C8A: variants seen among roughly 807,000 people sequenced by gnomAD.
C8A encodes the protein complement C8 alpha chain.
In C8A, 67 loss-of-function variants were observed where a neutral mutation model predicts 65.3. That is an observed-to-expected ratio of 1.03 (90% CI 0.84 to 1.26). The LOEUF (loss-of-function observed/expected upper bound fraction) is 1.26, where lower values mean the gene tolerates loss of function less well. Ranked by LOEUF, C8A falls within the 50% of genes most tolerant of loss-of-function variation. C8A has a pLI of 0.00. For synonymous variants in C8A, 290 were observed against 259.4 expected, an observed-to-expected ratio of 1.12 and a Z score of -1.13; for missense variants, 781 against 723.9, an observed-to-expected ratio of 1.08 and a Z score of -0.90.
At chr1:56,871,696 G>A (rs1236016848) in intron 2 of C8A, among the ~76,000 whole-genome samples, 1 of 152,140 alleles carries the variant, frequency 6.6e-6, no homozygotes, top group Non-Finnish European at 1.5e-5. Flanking sequence ...AATAAGATAA[G>A]GAATGTAAAG....
At chr1:56,893,520 G>A (rs115556711) in intron 7 of C8A, among the ~76,000 whole-genome samples, 1 of 152,080 alleles carries the variant, frequency 6.6e-6, no homozygotes, top group Non-Finnish European at 1.5e-5. Flanking sequence ...ATGATAACAA[G>A]GGCTTGTTTG....
chr1:56,861,797 T>A (rs1016442602), intron 1 of C8A, among the ~76,000 whole-genome samples: 9 of 152,188 alleles, frequency 5.9e-5, no homozygotes, highest in African/African-American at 1.9e-4. Flanking sequence ...GATTATATAA[T>A]TAGTGATAAT....
At chr1:56,858,860 A>G (rs1466204390) in intron 1 of C8A, among the ~76,000 whole-genome samples, 6 of 152,234 alleles carry the variant, frequency 3.9e-5, no homozygotes, top group African/African-American at 2.4e-5. Context: ...AAGTCCTGGC[A>G]TCACCACGTA....
At chr1:56,865,779 A>G (rs998017690) in intron 1 of C8A, among the ~76,000 whole-genome samples, 16 of 152,214 alleles carry the variant, frequency 1.1e-4, no homozygotes, top group African/African-American at 3.9e-4. Flanking sequence ...ATTTGGGGAA[A>G]CATATCCACT....
chr1:56,875,157 C>T, intron 3 of C8A, 64 bp downstream of exon 3: 6 of 1,571,726 alleles, frequency 3.8e-6, no homozygotes. Context: ...AACACTTCCC[C>T]AGGGAGCTTA....
At chr1:56,871,820 C>T (rs938372096) in intron 2 of C8A, among the ~76,000 whole-genome samples, 1 of 152,102 alleles carries the variant, frequency 6.6e-6, no homozygotes, top group African/African-American at 2.4e-5. Flanking sequence ...AGAAGATTGG[C>T]TGCTAATTCA....
intron 2 of C8A, among the ~76,000 whole-genome samples, chr1:56,870,239 C>T (rs574112612): frequency 3.3e-5 from 5 of 152,202 alleles, no homozygotes; most frequent in Non-Finnish European, 7.4e-5. Flanking sequence ...CATGCTCCCT[C>T]TTAGAGGCGC....
intron 5 of C8A, among the ~76,000 whole-genome samples, chr1:56,881,939 C>T (rs1414791564): frequency 6.6e-6 from 1 of 152,120 alleles, no homozygotes; most frequent in Non-Finnish European, 1.5e-5. Flanking sequence ...CTCTGTTAGA[C>T]TATATACAAG....
intron 6 of C8A, among the ~76,000 whole-genome samples, chr1:56,885,395 A>AAATATATATTTAC (rs1644287493): frequency 2.7e-5 from 3 of 111,326 alleles, no homozygotes; most frequent in African/African-American, 1.3e-4. Context: ...TATATATTTA[A>AAATATATATTTAC]ATAAATATAT....
intron 5 of C8A, among the ~76,000 whole-genome samples, chr1:56,883,241 G>A (rs772246868): frequency 4.6e-5 from 7 of 152,062 alleles, no homozygotes; most frequent in Non-Finnish European, 8.8e-5. Flanking sequence ...GTGTGTGTGT[G>A]TGTGTGCAAG....
chr1:56,876,639 T>C (rs1198861132), intron 4 of C8A, among the ~76,000 whole-genome samples: 1 of 151,988 alleles, frequency 6.6e-6, no homozygotes, highest in Non-Finnish European at 1.5e-5. Flanking sequence ...TGACACAGTG[T>C]AAAGAAAATG....
intron 5 of C8A, among the ~76,000 whole-genome samples, chr1:56,882,577 A>G (rs1481185135): frequency 6.6e-6 from 1 of 152,108 alleles, no homozygotes; most frequent in African/African-American, 2.4e-5. Context: ...GGATCCTAGG[A>G]TTCTGAACAA....
Position 56,906,786 on chromosome 1 carries a change from A to G in C8A, c.1216A>G (p.Lys406Glu), listed in dbSNP as rs1349710590. ...GDHCKKFGGGKTERARKAMAV... is the reference protein window; with the variant it reads ...GDHCKKFGGGETERARKAMAV... ...CCATTGTAAAAAATTTGGAGGTGGC[A>G]AAACTGGCAAGTGTTTAGTAATAGA... is the stretch of plus-strand genomic sequence containing the variant. Residue 406 changes from lysine to glutamate, a missense_variant, in exon 8 of 11, where the codon AAA (lysine) becomes GAA (glutamate). Transcript: ENST00000361249. The G allele has an allele frequency of 1.9e-6, 3 of 1,614,100 alleles. No individual in the cohort carries two copies. The South Asian group carries it at 3.3e-5, about 18-fold the overall frequency.
In C8A at chr1:56,906,676, G is replaced by A. The variant is rs371127686; in HGVS notation, c.1106G>A (p.Ser369Asn). 6.2e-7 allele frequency: 1 copy of A among 1,613,964 alleles called. No individual in the cohort carries two copies. The highest frequency in any genetic ancestry group is 8.5e-7 in the Non-Finnish European group (1 of 1,179,958). ...TGTCTCCCTGTTGCAGGTATTACCAGCAGAGATATCACGACATGTTTTGGA... is the reference window on the plus strand; with the variant it reads ...TGTCTCCCTGTTGCAGGTATTACCAACAGAGATATCACGACATGTTTTGGA... ...KAKMESLGIT[S>N]RDITTCFGGS... The change falls in exon 8 of 11, where the codon AGC becomes AAC. Residue 369 changes from serine (S) to asparagine (N), a missense_variant. Ser to Asn is a conservative substitution (Grantham distance 46, BLOSUM62 1). Transcript: ENST00000361249.
intron 9 of C8A, among the ~76,000 whole-genome samples, chr1:56,908,758 A>C (rs1644485547): frequency 6.6e-6 from 1 of 152,194 alleles, no homozygotes; most frequent in Non-Finnish European, 1.5e-5. Context: ...TGAAAAATCA[A>C]GTGAAAATAT....
intron 7 of C8A, among the ~76,000 whole-genome samples, chr1:56,906,378 GAT>G (rs1432875438): frequency 6.6e-6 from 1 of 152,154 alleles, no homozygotes; most frequent in African/African-American, 2.4e-5. Context: ...AGAAGGATGA[GAT>G]AGAATTATTG....
intron 2 of C8A, among the ~76,000 whole-genome samples, chr1:56,872,961 T>C (rs1249185480): frequency 6.6e-6 from 1 of 152,196 alleles, no homozygotes; most frequent in Non-Finnish European, 1.5e-5. Context: ...CTTTATTTGC[T>C]GTGCTGAGGG....
Position 56,883,595 on chromosome 1 carries a change from G to C in C8A, c.769G>C (p.Ala257Pro), listed in dbSNP as rs764474749. Reference sequence around the variant, plus strand: ...TGGAGTGACCATCGGCATAGGCCCAGCCGGCAGCCCTTTATTGGTGGGTGT... The same window carrying C: ...TGGAGTGACCATCGGCATAGGCCCACCCGGCAGCCCTTTATTGGTGGGTGT... ...SFGVTIGIGP[A>P]GSPLLVGVGV... Residue 257 changes from alanine (A) to proline (P), a missense_variant, in exon 6 of 11, where the codon GCC becomes CCC. Physicochemically the swap from Ala to Pro is conservative, Grantham distance 27 (BLOSUM62 -1). Coordinates refer to ENST00000361249, the MANE Select transcript of C8A (RefSeq NM_000562.3). The C allele has an allele frequency of 1.2e-6, 2 of 1,613,834 alleles. No homozygotes were observed. The highest frequency in any genetic ancestry group is 1.7e-6 in the Non-Finnish European group (2 of 1,179,948).
chr1:56,879,080 T>G (rs1025674365), intron 4 of C8A, among the ~76,000 whole-genome samples: 2 of 152,170 alleles, frequency 1.3e-5, no homozygotes, highest in African/African-American at 4.8e-5. Flanking sequence ...AAAGTTTTAT[T>G]GAAATACAGC....
Sources: allele counts gnomAD v4.1 joint callset (sites outside exome capture counted in the v4.1 genomes callset), GRCh38; gene constraint gnomAD v4.1.1; transcripts MANE v1.5; gene names NCBI Gene and HGNC (gene_info 2026-07-23, HGNC 2026-07-21).